CPNE7: variants seen among roughly 807,000 people sequenced by gnomAD.
CPNE7 encodes the protein copine 7.
CPNE7 carries 78 observed loss-of-function variants against 66.5 expected under a neutral mutation model. The ratio of observed to expected loss-of-function variants is 1.17; its 90% CI spans 0.98 to 1.42. The LOEUF (loss-of-function observed/expected upper bound fraction) is 1.42. CPNE7 is among the 40% of genes most tolerant of loss of function. The pLI, the probability that CPNE7 is intolerant of heterozygous loss-of-function variation, is 0.00. For synonymous variants in CPNE7, 468 were observed against 336.7 expected (o/e 1.39, Z -4.27); for missense variants, 1,012 against 776.6 (o/e 1.30, Z -3.60).
At chr16:89,576,710 G>A (rs2058866031) in intron 1 of CPNE7, among the ~76,000 whole-genome samples, 1 of 152,150 alleles carries the variant, frequency 6.6e-6, no homozygotes, top group African/African-American at 2.4e-5. Flanking sequence ...GCCGGAACTC[G>A]AACCCCAGTC....
chr16:89,579,627 T>C (rs1042392768), intron 2 of CPNE7, among the ~76,000 whole-genome samples: 49 of 145,772 alleles, frequency 3.4e-4, no homozygotes, highest in Non-Finnish European at 6.1e-4. Flanking sequence ...GAACATCCCA[T>C]CACCCATCAC....
At chr16:89,576,910 C>G (rs985654673) in intron 1 of CPNE7, among the ~76,000 whole-genome samples, 1 of 152,164 alleles carries the variant, frequency 6.6e-6, no homozygotes, top group Non-Finnish European at 1.5e-5. Flanking sequence ...CCGGAGGCCC[C>G]GTGCCCGCCC....
intron 14 of CPNE7, 158 bp downstream of exon 14, chr16:89,595,761 T>A: frequency 1.3e-6 from 1 of 762,388 alleles, no homozygotes; most frequent in Non-Finnish European, 2.3e-6. Context: ...AAGAGCAGTA[T>A]CTGAAGCCAG....
At position 89,595,348 on chromosome 16, in the gene CPNE7, G is replaced by C. The variant is rs2059237095; in HGVS notation, c.1303-19G>C. The C allele has an allele frequency of 6.5e-7, 1 of 1,547,422 alleles. No homozygotes were observed. Among genetic ancestry groups the C allele is most frequent in the African/African-American group, 1.4e-5 (1 of 73,958 alleles). ...CCATGGCAGGTGTGGTGTTGCTGAT[G>C]CCTTTCCTGTGCCCCCAGCAATACT... On this transcript the variant is annotated intron_variant, in intron 13 of 14. Coordinates refer to ENST00000319518, the MANE Select transcript of CPNE7 (RefSeq NM_153636.3).
chr16:89,596,711 G>C lies in CPNE7; in HGVS notation c.*90G>C. 1 of 1,369,968 alleles carries C rather than the reference G, an allele frequency of 7.3e-7. No homozygotes were observed. The highest frequency in any genetic ancestry group is 9.5e-7 in the Non-Finnish European group (1 of 1,052,818). 84.9% of individuals were successfully genotyped at this position (1,369,968 alleles called of 1,614,324 possible). A position where few individuals can be genotyped will look rare whatever the true frequency, so the allele number is the denominator to read the frequency against. ...GCTTGGGGTCCCTTAAGCTCCCTCC[G>C]ACCTCCCAGAAGCCTCCAGTCCCCA... On this transcript the variant is annotated 3_prime_UTR_variant, in exon 15 of 15. Coordinates refer to ENST00000319518, the MANE Select transcript of CPNE7 (RefSeq NM_153636.3).
rs146886923 is a variant in CPNE7 at position 89,597,158 on chromosome 16, TGGGGTCTGC to T, written c.*556_*564del. The T allele has an allele frequency of 0.027, 4,151 of 153,418 alleles. 201 individuals carry two copies. Among genetic ancestry groups the T allele is most frequent in the African/African-American group, 0.096 (3,967 of 41,492 alleles). 9.5% of individuals were successfully genotyped at this position (153,418 alleles called of 1,614,324 possible). The stretch of plus-strand genomic sequence containing the variant: ...CGTCGGGCCTCTGCACCTGGGTCCA[TGGGGTCTGC>T]GGGGTCTGCGGGGTCTGCCTGGCCT... On this transcript the variant is annotated 3_prime_UTR_variant, in exon 15 of 15. Transcript: ENST00000319518.
intron 10 of CPNE7, 63 bp downstream of exon 10, chr16:89,588,871 C>T (rs1386278312): frequency 1.0e-5 from 16 of 1,589,656 alleles, no homozygotes; most frequent in Middle Eastern, 3.3e-4. Context: ...GTGCGCCTGG[C>T]CGTCTTCCCC....
Position 89,580,463 on chromosome 16 carries a change from T to C in CPNE7, c.357+2742T>C, listed in dbSNP as rs1401917835. ...CATCTCACCCATCACACGGAACATC[T>C]CACCCATCACACGGAACATCCCGTC... On this transcript the variant is annotated intron_variant, in intron 2 of 14. Transcript: ENST00000319518. Among the ~76,000 whole-genome samples, 13 of 108,256 alleles carry C rather than the reference T, an allele frequency of 1.2e-4. 1 individual carries two copies. The highest frequency in any genetic ancestry group is 2.1e-4 in the African/African-American group (6 of 27,944). The allele number at this position is 108,256 out of a possible 152,430, so 71.0% of individuals were successfully genotyped here.
chr16:89,596,342 C>T (rs749689993), intron 14 of CPNE7, 142 bp from the exon 15 acceptor site: 138 of 1,161,750 alleles, frequency 1.2e-4, no homozygotes, highest in Admixed American at 7.0e-4. Flanking sequence ...AAGTCTTGCC[C>T]GGCACCCAGG....
chr16:89,580,607 C>T (rs62068672), intron 2 of CPNE7, among the ~76,000 whole-genome samples: 57,100 of 83,806 alleles, frequency 0.68, 22,316 homozygotes, highest in Middle Eastern at 0.81. Flanking sequence ...TCCCGTCACC[C>T]GCTGACACGG....
Position 89,584,846 on chromosome 16 carries a change from T to A in CPNE7, c.580T>A (p.Tyr194Asn). 1 of 1,613,364 alleles carries A rather than the reference T, an allele frequency of 6.2e-7. No individual in the cohort carries two copies. The highest frequency in any genetic ancestry group is 8.5e-7 in the Non-Finnish European group (1 of 1,179,850). Residue 194 changes from tyrosine (Y) to asparagine (N), a missense_variant, in exon 5 of 15, where the codon TAC (tyrosine) becomes AAC (asparagine). Coordinates refer to ENST00000319518, the MANE Select transcript of CPNE7 (RefSeq NM_153636.3). The surrounding 1 kb of genome is among the most constrained non-coding windows in gnomAD (Gnocchi z 6.0). ...CGACGACCAGGGCTTGCAGCTGGTGTACAGGACGGAGGTGAGCGGCCGGGG... is the reference window on the plus strand; with the variant it reads ...CGACGACCAGGGCTTGCAGCTGGTGAACAGGACGGAGGTGAGCGGCCGGGG... ...VNDDQGLQLV[Y>N]RTEVVKNNLN...
chr16:89,586,613 C>G (rs1215701320), intron 7 of CPNE7, 57 bp from the exon 8 acceptor site: 2 of 1,439,538 alleles, frequency 1.4e-6, no homozygotes, highest in African/African-American at 1.4e-5. Flanking sequence ...GGTAGGGTCT[C>G]CCTGGTAGGT....
At position 89,587,234 on chromosome 16, in the gene CPNE7, C is replaced by A. The variant is rs533074241; in HGVS notation, c.927+132C>A. On this transcript the variant is annotated intron_variant, in intron 9 of 14. Coordinates refer to ENST00000319518, the MANE Select transcript of CPNE7 (RefSeq NM_153636.3). ...CCCGCCCATCCCCGCCCCCTCAGTC[C>A]GTGGCCCCGCCCCTCCCGCCCCCTC... 18 of 256,636 alleles carry A rather than the reference C, an allele frequency of 7.0e-5. 1 individual carries two copies. In the African/African-American group the frequency reaches 9.2e-4, roughly 13 times the overall value. The allele number at this position is 256,636 out of a possible 1,614,324, so 15.9% of individuals were successfully genotyped here.
intron 8 of CPNE7, 54 bp downstream of exon 8, chr16:89,586,810 C>A: frequency 2.0e-6 from 3 of 1,473,468 alleles, no homozygotes; most frequent in Non-Finnish European, 2.8e-6. Context: ...GCTTCCGCTG[C>A]CTCCCTCTGA....
In CPNE7 at chr16:89,576,083, G is replaced by A. The variant is rs1159431584; in HGVS notation, c.174+12G>A. 1.6e-6 allele frequency: 2 copies of A among 1,253,904 alleles called. No homozygotes were observed. Among genetic ancestry groups the A allele is most frequent in the Non-Finnish European group, 2.0e-6 (2 of 998,730 alleles). The allele number at this position is 1,253,904 out of a possible 1,614,324, so 77.7% of individuals were successfully genotyped here. On this transcript the variant is annotated intron_variant, in intron 1 of 14. Coordinates refer to ENST00000319518, the MANE Select transcript of CPNE7 (RefSeq NM_153636.3). ...GCCAGTGGGTGCAGGTAGGGCCGGG[G>A]CGTGGGAGGCCGAGAGGCCACCGGG...
intron 5 of CPNE7, among the ~76,000 whole-genome samples, 161 bp downstream of exon 5, chr16:89,585,018 G>GCC (rs2059013337): frequency 6.6e-6 from 1 of 152,172 alleles, no homozygotes; most frequent in Non-Finnish European, 1.5e-5. Flanking sequence ...GGAGCCGCAG[G>GCC]CGCAGGGCCC....
intron 1 of CPNE7, among the ~76,000 whole-genome samples, chr16:89,576,763 C>T (rs954312094): frequency 6.6e-6 from 1 of 152,222 alleles, no homozygotes; most frequent in Non-Finnish European, 1.5e-5. Flanking sequence ...GGGGTCTCTC[C>T]AGGCTCCAGC....
Position 89,595,574 on chromosome 16 carries a change from C to T in CPNE7, c.1510C>T (p.Gln504Ter). The T allele has an allele frequency of 3.1e-6, 5 of 1,607,932 alleles. No individual in the cohort carries two copies. Among genetic ancestry groups the T allele is most frequent in the Non-Finnish European group, 3.4e-6 (4 of 1,176,222 alleles). ...RGEPALRDIV[Q>*]FVPFRELKNA... ...TGAGCCCGCGCTCCGGGACATCGTACAGTTCGTGCCCTTCCGGGAGCTCAA... is the reference window on the plus strand; with the variant it reads ...TGAGCCCGCGCTCCGGGACATCGTATAGTTCGTGCCCTTCCGGGAGCTCAA... Residue 504 changes from glutamine to a stop codon, truncating the protein, a stop_gained, in exon 14 of 15, where the codon CAG (glutamine) becomes TAG (stop). Coordinates refer to ENST00000319518, the MANE Select transcript of CPNE7 (RefSeq NM_153636.3). LOFTEE classifies it low-confidence loss of function (END_TRUNC).
chr16:89,588,908 T>A, intron 10 of CPNE7, 100 bp downstream of exon 10: 2 of 1,474,224 alleles, frequency 1.4e-6, no homozygotes, highest in South Asian at 2.4e-5. Flanking sequence ...CCAGGTCAGC[T>A]ATGACAGGTG....
Sources: allele counts gnomAD v4.1 joint callset (sites outside exome capture counted in the v4.1 genomes callset), GRCh38; gene constraint gnomAD v4.1.1; non-coding constraint Gnocchi (gnomAD v3.1); transcripts MANE v1.5; gene names NCBI Gene and HGNC (gene_info 2026-07-23, HGNC 2026-07-21).